The following RPS6KC1 variants were observed in gnomAD, a reference collection of about 807,000 sequenced individuals.
The protein encoded by RPS6KC1 is ribosomal protein S6 kinase C1.
Under a neutral mutation model 103.8 loss-of-function variants are expected in RPS6KC1, and 54 were observed. The ratio of observed to expected loss-of-function variants is 0.52; its 90% CI spans 0.42 to 0.65. RPS6KC1 has a LOEUF of 0.65. Among genes scored for constraint, RPS6KC1 ranks in the 30% least tolerant of loss-of-function variants. RPS6KC1 has a pLI of 0.00. For missense variants in RPS6KC1, 1,151 were observed against 1,253.8 expected, an observed-to-expected ratio of 0.92 and a Z score of 1.24; for synonymous variants, 439 against 438.7, an observed-to-expected ratio of 1.00 and a Z score of -0.01.
chr1:213,467,486 G>A, the RPS6KC1 span, among the ~76,000 whole-genome samples: 1 of 152,196 alleles, frequency 6.6e-6, no homozygotes, highest in African/African-American at 2.4e-5. Flanking sequence ...ACATTAACAT[G>A]TGCAAAAGTT....
the RPS6KC1 span, among the ~76,000 whole-genome samples, chr1:213,457,008 G>C: frequency 1.3e-5 from 2 of 152,014 alleles, no homozygotes; most frequent in African/African-American, 4.8e-5. Flanking sequence ...AGAATAATCT[G>C]GGCTAGGACT....
At chr1:213,618,564 T>A in the RPS6KC1 span, among the ~76,000 whole-genome samples, 2 of 152,232 alleles carry the variant, frequency 1.3e-5, no homozygotes, top group African/African-American at 4.8e-5. Context: ...AGGCAAGGCA[T>A]TACTATAATC....
chr1:213,181,898 A>AGAAC (rs2092288826), intron 8 of RPS6KC1, among the ~76,000 whole-genome samples: 1 of 152,246 alleles, frequency 6.6e-6, no homozygotes, highest in South Asian at 2.1e-4. Context: ...GAAGAAAGAA[A>AGAAC]GAACATTGGA....
chr1:213,392,763 C>A, the RPS6KC1 span, among the ~76,000 whole-genome samples: 1 of 152,210 alleles, frequency 6.6e-6, no homozygotes, highest in Non-Finnish European at 1.5e-5. Context: ...CTGACATTAT[C>A]TTGCTGAGTT....
chr1:213,607,366 C>G, the RPS6KC1 span, among the ~76,000 whole-genome samples: 1 of 152,174 alleles, frequency 6.6e-6, no homozygotes, highest in Non-Finnish European at 1.5e-5. Context: ...ATTTGGATAT[C>G]TTGTGTAATT....
the RPS6KC1 span, among the ~76,000 whole-genome samples, chr1:213,332,879 A>G: frequency 3.3e-5 from 5 of 152,164 alleles, no homozygotes; most frequent in African/African-American, 1.2e-4. Flanking sequence ...GGCTTTTCTA[A>G]CCATGGCATG....
the RPS6KC1 span, among the ~76,000 whole-genome samples, chr1:213,713,596 G>C: frequency 6.6e-6 from 1 of 152,192 alleles, no homozygotes; most frequent in Non-Finnish European, 1.5e-5. Flanking sequence ...TTAGGTCCCT[G>C]TGGGTGGGTA....
the RPS6KC1 span, among the ~76,000 whole-genome samples, chr1:213,774,179 G>T: frequency 6.6e-6 from 1 of 152,216 alleles, no homozygotes; most frequent in Non-Finnish European, 1.5e-5. Flanking sequence ...TTACTGTCCA[G>T]TCAGCAAGTT....
At chr1:213,388,140 T>C in the RPS6KC1 span, among the ~76,000 whole-genome samples, 1 of 152,262 alleles carries the variant, frequency 6.6e-6, no homozygotes, top group African/African-American at 2.4e-5. Context: ...CTGCGACATT[T>C]GGCTACTTGA....
chr1:213,488,680 A>G, the RPS6KC1 span, among the ~76,000 whole-genome samples: 1 of 152,258 alleles, frequency 6.6e-6, no homozygotes, highest in Non-Finnish European at 1.5e-5. Context: ...CTGAACTCTA[A>G]GAATATTTCA....
the RPS6KC1 span, among the ~76,000 whole-genome samples, chr1:213,541,472 A>G: frequency 6.6e-6 from 1 of 152,106 alleles, no homozygotes; most frequent in Non-Finnish European, 1.5e-5. Flanking sequence ...ATTTGTTAAA[A>G]CAAACGCAAA....
the RPS6KC1 span, among the ~76,000 whole-genome samples, chr1:213,834,639 A>G: frequency 1.1e-4 from 17 of 152,214 alleles, no homozygotes; most frequent in African/African-American, 3.6e-4. Context: ...TGGTTAAAAT[A>G]TATTCTTAAA....
the RPS6KC1 span, among the ~76,000 whole-genome samples, chr1:213,767,936 G>A: frequency 6.6e-6 from 1 of 152,178 alleles, no homozygotes; most frequent in African/African-American, 2.4e-5. Flanking sequence ...GCATTCACAG[G>A]TCACTTGCAG....
At chr1:213,460,805 AT>A in the RPS6KC1 span, among the ~76,000 whole-genome samples, 2 of 152,002 alleles carry the variant, frequency 1.3e-5, no homozygotes, top group African/African-American at 4.8e-5. Flanking sequence ...ATCTCTCAGT[AT>A]TTGCTTGTCT....
intron 3 of RPS6KC1, among the ~76,000 whole-genome samples, chr1:213,102,205 C>T (rs1418045929): frequency 2.0e-5 from 3 of 152,286 alleles, no homozygotes; most frequent in East Asian, 1.9e-4. Flanking sequence ...GAGGTAGCCT[C>T]AAGCGTGGCA....
the RPS6KC1 span, among the ~76,000 whole-genome samples, chr1:213,515,842 T>G: frequency 6.6e-6 from 1 of 152,232 alleles, no homozygotes; most frequent in African/African-American, 2.4e-5. Flanking sequence ...TTTCGCGATA[T>G]TGATTCTTCC....
chr1:213,629,205 T>A, the RPS6KC1 span, among the ~76,000 whole-genome samples: 1 of 152,172 alleles, frequency 6.6e-6, no homozygotes, highest in South Asian at 2.1e-4. Context: ...CCATTATTAA[T>A]GTGTGGGAGT....
At chr1:213,393,590 A>G in the RPS6KC1 span, among the ~76,000 whole-genome samples, 1 of 152,110 alleles carries the variant, frequency 6.6e-6, no homozygotes, top group Non-Finnish European at 1.5e-5. Flanking sequence ...GATAATCGCC[A>G]TTTTCCACGC....
chr1:213,306,656 G>A, the RPS6KC1 span, among the ~76,000 whole-genome samples: 8 of 152,194 alleles, frequency 5.3e-5, no homozygotes, highest in African/African-American at 1.4e-4. Flanking sequence ...AGTAGGTTTC[G>A]ATTTACATGC....
Sources: allele counts gnomAD v4.1 joint callset (sites outside exome capture counted in the v4.1 genomes callset), GRCh38; gene constraint gnomAD v4.1.1; transcripts MANE v1.5; gene names NCBI Gene and HGNC (gene_info 2026-07-23, HGNC 2026-07-21).